The following HTT-AS variants were observed in gnomAD, a reference collection of about 807,000 sequenced individuals.
HTT-AS encodes HTT antisense RNA.
chr4:3,049,224 A>G (rs1711656257), exon 3 of HTT-AS, among the ~76,000 whole-genome samples: 1 of 152,088 alleles, frequency 6.6e-6, no homozygotes, highest in African/African-American at 2.4e-5. Flanking sequence ...AGAAGTTCAA[A>G]ACCAGCCTGG....
chr4:3,064,482 A>AT, intron 1 of HTT-AS, among the ~76,000 whole-genome samples: 1 of 152,358 alleles, frequency 6.6e-6, no homozygotes, highest in African/African-American at 2.4e-5. Flanking sequence ...ACAAAAATTA[A>AT]TTTCAAGGGG....
downstream of HTT-AS, among the ~76,000 whole-genome samples, chr4:3,046,429 A>G (rs1279026583): frequency 1.3e-5 from 2 of 152,212 alleles, no homozygotes; most frequent in Non-Finnish European, 2.9e-5. Context: ...CAGACTCCCA[A>G]GTGAGGATGT....
intron 2 of HTT-AS, among the ~76,000 whole-genome samples, chr4:3,056,903 G>T (rs765667290): frequency 1.3e-5 from 2 of 152,056 alleles, no homozygotes; most frequent in Non-Finnish European, 2.9e-5. Flanking sequence ...CTGAAGCTCT[G>T]TCCCCATGAA....
At chr4:3,062,087 G>T (rs370659302) in intron 2 of HTT-AS, among the ~76,000 whole-genome samples, 8 of 150,408 alleles carry the variant, frequency 5.3e-5, no homozygotes, top group Admixed American at 4.0e-4. Context: ...TTCCTAGCTT[G>T]AACTTCCCCT....
At chr4:3,073,945 G>A (rs1712287940) in intron 1 of HTT-AS, among the ~76,000 whole-genome samples, 1 of 152,022 alleles carries the variant, frequency 6.6e-6, no homozygotes, top group South Asian at 2.1e-4. Flanking sequence ...CTGTCGCCCC[G>A]CTCCAGGCGT....
chr4:3,056,376 G>C (rs1711805085), intron 2 of HTT-AS, among the ~76,000 whole-genome samples: 1 of 152,212 alleles, frequency 6.6e-6, no homozygotes, highest in African/African-American at 2.4e-5. Context: ...GAAATAGCTG[G>C]TTGGTTGCAG....
chr4:3,071,212 CG>C (rs1189038720), intron 1 of HTT-AS, among the ~76,000 whole-genome samples: 6 of 152,188 alleles, frequency 3.9e-5, no homozygotes, highest in African/African-American at 1.4e-4. Flanking sequence ...GCAGCTCAGA[CG>C]GAAGTGTATT....
intron 1 of HTT-AS, among the ~76,000 whole-genome samples, chr4:3,072,795 T>C (rs541676965): frequency 4.8e-4 from 73 of 152,266 alleles, no homozygotes; most frequent in African/African-American, 1.7e-3. Flanking sequence ...ACCCGGCTAA[T>C]TTTTGTATTT....
intron 1 of HTT-AS, among the ~76,000 whole-genome samples, chr4:3,065,817 T>A (rs2110123969): frequency 6.6e-6 from 1 of 152,326 alleles, no homozygotes; most frequent in Admixed American, 6.5e-5. Flanking sequence ...AGCACATCAC[T>A]AGCCTGGGGA....
intron 2 of HTT-AS, among the ~76,000 whole-genome samples, chr4:3,058,513 G>A (rs1711853149): frequency 6.6e-6 from 1 of 152,102 alleles, no homozygotes; most frequent in Non-Finnish European, 1.5e-5. Context: ...GCTTTGGCCA[G>A]CTTCTTTACT....
chr4:3,065,824 G>C (rs1231751041), intron 1 of HTT-AS, among the ~76,000 whole-genome samples: 1 of 152,122 alleles, frequency 6.6e-6, no homozygotes, highest in Non-Finnish European at 1.5e-5. Flanking sequence ...CACTAGCCTG[G>C]GGAAAGATCA....
intron 2 of HTT-AS, among the ~76,000 whole-genome samples, chr4:3,055,249 G>C (rs1711785283): frequency 6.6e-6 from 1 of 151,650 alleles, no homozygotes; most frequent in African/African-American, 2.4e-5. Context: ...AGTGAGCTGT[G>C]ATGGCGCCAC....
At chr4:3,053,532 C>CAAAATA (rs916710659) in intron 2 of HTT-AS, among the ~76,000 whole-genome samples, 35 of 150,104 alleles carry the variant, frequency 2.3e-4, no homozygotes, top group African/African-American at 7.9e-4. Flanking sequence ...GACTCTGTCT[C>CAAAATA]AAAATAAAAA....
At chr4:3,063,111 G>A (rs940976555) in exon 2 of HTT-AS, among the ~76,000 whole-genome samples, 1 of 152,114 alleles carries the variant, frequency 6.6e-6, no homozygotes, top group Non-Finnish European at 1.5e-5. Flanking sequence ...TCCCTGTAAG[G>A]GTCAGTTGAA....
At chr4:3,071,086 G>A (rs983149591) in intron 1 of HTT-AS, among the ~76,000 whole-genome samples, 1 of 152,218 alleles carries the variant, frequency 6.6e-6, no homozygotes, top group Admixed American at 6.5e-5. Context: ...TCTCAGCCAT[G>A]GCTGAAGCAG....
At chr4:3,059,685 C>T (rs925708517) in intron 2 of HTT-AS, among the ~76,000 whole-genome samples, 5 of 151,888 alleles carry the variant, frequency 3.3e-5, no homozygotes, top group Admixed American at 6.6e-5. Flanking sequence ...CACCTCCCTC[C>T]TCAGCCTCCT....
intron 2 of HTT-AS, among the ~76,000 whole-genome samples, chr4:3,058,435 A>G (rs979657257): frequency 2.6e-5 from 4 of 152,172 alleles, no homozygotes; most frequent in African/African-American, 7.2e-5. Context: ...TTAATGCATT[A>G]TAATTAGCTT....
chr4:3,050,460 T>C (rs942675510), intron 2 of HTT-AS, among the ~76,000 whole-genome samples: 2 of 152,234 alleles, frequency 1.3e-5, no homozygotes, highest in Non-Finnish European at 2.9e-5. Flanking sequence ...AATGATATGA[T>C]TCTAAAGTTA....
downstream of HTT-AS, among the ~76,000 whole-genome samples, chr4:3,047,007 A>G (rs191362762): frequency 8.7e-4 from 132 of 152,314 alleles, 4 homozygotes; most frequent in Non-Finnish European, 2.5e-4. Context: ...AAATATATAT[A>G]TAGAATAAGA....
Sources: gnomAD v4.1 joint callset for allele counts (sites outside exome capture counted in the v4.1 genomes callset) on GRCh38, gnomAD v4.1.1 for gene constraint, MANE v1.5 for transcripts, NCBI Gene and HGNC (gene_info 2026-07-23, HGNC 2026-07-21) for gene names.